The following TNFRSF8 variants were observed in gnomAD, a reference collection of about 807,000 sequenced individuals.
The protein encoded by TNFRSF8 is TNF receptor superfamily member 8, also known as tumor necrosis factor receptor superfamily member 8.
TNFRSF8 carries 26 observed loss-of-function variants against 70.8 expected under a neutral mutation model. The ratio of observed to expected loss-of-function variants is 0.37; its 90% CI spans 0.27 to 0.51. The LOEUF is 0.51. Among genes scored for constraint, TNFRSF8 ranks in the 20% least tolerant of loss-of-function variants. The pLI, the probability that TNFRSF8 is intolerant of heterozygous loss-of-function variation, is 0.94. For missense variants in TNFRSF8, 720 were observed against 807.9 expected (o/e 0.89, Z 1.32); for synonymous variants, 356 against 339.2 (o/e 1.05, Z -0.54).
At chr1:12,067,905 G>GA (rs1490161904) in intron 1 of TNFRSF8, among the ~76,000 whole-genome samples, 1 of 135,276 alleles carries the variant, frequency 7.4e-6, no homozygotes, top group Admixed American at 7.4e-5. Context: ...CGGGGGGGCG[G>GA]GGGGGGGACC....
intron 1 of TNFRSF8, among the ~76,000 whole-genome samples, chr1:12,065,676 G>T (rs1354596765): frequency 2.0e-5 from 3 of 152,086 alleles, no homozygotes; most frequent in Non-Finnish European, 2.9e-5. Context: ...ATGTCTATGA[G>T]GCATCTTGGT....
chr1:12,141,822 G>T lies in TNFRSF8; in HGVS notation c.1544-465G>T, dbSNP rs1007301970. On this transcript the variant is annotated intron_variant, in intron 14 of 14. Transcript: ENST00000263932. The surrounding 1 kb of genome is among the most constrained non-coding windows in gnomAD (Gnocchi z 5.4). ...TCTCCTAACTACGTGGCGACCTTGG[G>T]CAGGTCATTTAACCTCTCCAGGCTT... Among the ~76,000 whole-genome samples the T allele has an allele frequency of 6.6e-6, 1 of 152,190 alleles. No homozygotes were observed. Among genetic ancestry groups the T allele is most frequent in the African/African-American group, 2.4e-5 (1 of 41,456 alleles).
rs566602205 is a variant in TNFRSF8 at position 12,113,167 on chromosome 1, G to T, written c.793+1153G>T. ...GAGGTCTTAGCTGGAAAGCCCAAAA[G>T]CTGCAGATCAGGAACTTCTGAAGCT... is the stretch of plus-strand genomic sequence containing the variant. On this transcript the variant is annotated intron_variant, in intron 7 of 14. Coordinates refer to ENST00000263932, the MANE Select transcript of TNFRSF8 (RefSeq NM_001243.5). The surrounding 1 kb of genome is among the most constrained non-coding windows in gnomAD (Gnocchi z 4.9). Among the ~76,000 whole-genome samples the T allele has an allele frequency of 6.6e-6, 1 of 152,340 alleles. No individual in the cohort carries two copies. Among genetic ancestry groups the T allele is most frequent in the South Asian group, 2.1e-4 (1 of 4,830 alleles).
chr1:12,129,238 C>T (rs1642001817), intron 12 of TNFRSF8, among the ~76,000 whole-genome samples: 2 of 152,246 alleles, frequency 1.3e-5, no homozygotes, highest in Admixed American at 6.5e-5. Context: ...GAAACAGTTT[C>T]AAACTTATAG....
Position 12,142,725 on chromosome 1 carries a change from C to T in TNFRSF8, c.*194C>T, listed in dbSNP as rs1642279526. 2.9e-6 allele frequency: 2 copies of T among 699,610 alleles called. No homozygotes were observed. Among genetic ancestry groups the T allele is most frequent in the African/African-American group, 3.6e-5 (2 of 55,854 alleles). The allele number at this position is 699,610 out of a possible 1,614,324, so 43.3% of individuals were successfully genotyped here. ...CATCCCCAACTTAGCTGTCCCCTGA[C>T]CCAGAGCCTAGGGGATCCGGGGCTT... is the stretch of plus-strand genomic sequence containing the variant. On this transcript the variant is annotated 3_prime_UTR_variant, in exon 15 of 15. Transcript: ENST00000263932. The surrounding 1 kb of genome is among the most constrained non-coding windows in gnomAD (Gnocchi z 5.0).
chr1:12,133,643 G>A (rs1001935787), intron 12 of TNFRSF8, among the ~76,000 whole-genome samples: 1 of 151,260 alleles, frequency 6.6e-6, no homozygotes, highest in Non-Finnish European at 1.5e-5. Context: ...GGGAGGCTGA[G>A]GCAGGAGAAT....
In TNFRSF8 at chr1:12,142,987, T is replaced by G; in HGVS notation, c.*456T>G. 6.4e-6 allele frequency: 1 copy of G among 157,036 alleles called. No homozygotes were observed. The highest frequency in any genetic ancestry group is 1.4e-5 in the Non-Finnish European group (1 of 71,178). 9.7% of individuals were successfully genotyped at this position (157,036 alleles called of 1,614,324 possible). A position where few individuals can be genotyped will look rare whatever the true frequency, so the allele number is the denominator to read the frequency against. On this transcript the variant is annotated 3_prime_UTR_variant, in exon 15 of 15. Coordinates refer to ENST00000263932, the MANE Select transcript of TNFRSF8 (RefSeq NM_001243.5). This position sits in a 1 kb window ranked among gnomAD's most constrained non-coding sequence, Gnocchi z 5.0. ...CTCAGAGGTGACACCCATTGGGCCC[T>G]TCCGGCATGCCCCCAGTTACTGTAA...
Position 12,111,960 on chromosome 1 carries a change from G to T in TNFRSF8, c.739G>T (p.Asp247Tyr), listed in dbSNP as rs548914161. 3 of 1,614,198 alleles carry T rather than the reference G, an allele frequency of 1.9e-6. No individual in the cohort carries two copies. The highest frequency in any genetic ancestry group is 2.5e-6 in the Non-Finnish European group (3 of 1,180,024). ...SGDCRKQCEP[D>Y]YYLDEAGRCT... ...TGATTGCAGAAAGCAGTGTGAGCCC[G>T]ACTACTACCTGGACGAGGCCGGCCG... The change falls in exon 7 of 15, where the codon GAC becomes TAC. Residue 247 changes from aspartate to tyrosine, a missense_variant. Transcript: ENST00000263932.
intron 1 of TNFRSF8, chr1:12,080,450 A>G (rs780600780): frequency 9.7e-5 from 51 of 525,614 alleles, no homozygotes; most frequent in Non-Finnish European, 1.8e-4. Flanking sequence ...GTTGTCTTCT[A>G]TCTTCTTCAT....
In TNFRSF8 at chr1:12,088,063, TG is replaced by T. The variant is rs1250206392; in HGVS notation, c.151+3513del. On this transcript the variant is annotated intron_variant, in intron 2 of 14. Coordinates refer to ENST00000263932, the MANE Select transcript of TNFRSF8 (RefSeq NM_001243.5). This position sits in a 1 kb window ranked among gnomAD's most constrained non-coding sequence, Gnocchi z 4.0. ...CTGCCCTGTGCAGCCAGCACTCAGC[TG>T]TGTGGCCGGGTTTGCTTGTGGGCGG... Among the ~76,000 whole-genome samples, 1 of 152,154 alleles carries T rather than the reference TG, an allele frequency of 6.6e-6. No homozygotes were observed. Among genetic ancestry groups the T allele is most frequent in the African/African-American group, 2.4e-5 (1 of 41,448 alleles).
At chr1:12,128,012 G>A (rs1427336066) in intron 12 of TNFRSF8, among the ~76,000 whole-genome samples, 1 of 152,222 alleles carries the variant, frequency 6.6e-6, no homozygotes, top group Admixed American at 6.5e-5. Flanking sequence ...GACAGAAAGT[G>A]AAGCCAAGAC....
At chr1:12,081,198 C>T (rs909480107) in intron 1 of TNFRSF8, among the ~76,000 whole-genome samples, 3 of 152,194 alleles carry the variant, frequency 2.0e-5, no homozygotes, top group Non-Finnish European at 4.4e-5. Context: ...CAGCCAGAGC[C>T]CCCCAGGTGT....
At chr1:12,083,318 G>A (rs11569814) in intron 1 of TNFRSF8, among the ~76,000 whole-genome samples, 2,419 of 152,266 alleles carry the variant, frequency 0.016, 60 homozygotes, top group African/African-American at 0.054. Context: ...CAACAAAAGC[G>A]TGTACGTTTG....
At chr1:12,090,539 C>T (rs1641232225) in intron 2 of TNFRSF8, among the ~76,000 whole-genome samples, 1 of 149,620 alleles carries the variant, frequency 6.7e-6, no homozygotes, top group Non-Finnish European at 1.5e-5. Context: ...CATCCACCTA[C>T]TCGTTTATCC....
chr1:12,129,176 T>A (rs1201126), intron 12 of TNFRSF8, among the ~76,000 whole-genome samples: 107,180 of 152,008 alleles, frequency 0.71, 38,097 homozygotes, highest in Admixed American at 0.79. Context: ...ACTTGAGTCA[T>A]TTTCTATTAT....
rs888419129 is a variant in TNFRSF8 at position 12,110,770 on chromosome 1, G to C, written c.676+566G>C. 6.6e-6 allele frequency among the ~76,000 whole-genome samples: 1 copy of C among 151,894 alleles called. No individual in the cohort carries two copies. The highest frequency in any genetic ancestry group is 1.5e-5 in the Non-Finnish European group (1 of 67,978). ...CCCACCACCACGCCTGGCTAACTTT[G>C]TATTTTTAGTAGAGATGGGATTTCA... On this transcript the variant is annotated intron_variant, in intron 6 of 14. Transcript: ENST00000263932. This position sits in a 1 kb window ranked among gnomAD's most constrained non-coding sequence, Gnocchi z 4.0.
intron 6 of TNFRSF8, among the ~76,000 whole-genome samples, chr1:12,111,311 A>C (rs1350057779): frequency 6.6e-6 from 1 of 151,734 alleles, no homozygotes; most frequent in Non-Finnish European, 1.5e-5. Flanking sequence ...CCTCCCGAGT[A>C]GCTGGGATTA....
intron 13 of TNFRSF8, among the ~76,000 whole-genome samples, chr1:12,136,153 T>C (rs1642141244): frequency 2.0e-5 from 3 of 152,164 alleles, no homozygotes; most frequent in African/African-American, 7.2e-5. Context: ...GTTTCTATCC[T>C]TTCATTTTTC....
chr1:12,103,659 A>T (rs1641464795), intron 3 of TNFRSF8, among the ~76,000 whole-genome samples: 1 of 151,740 alleles, frequency 6.6e-6, no homozygotes, highest in Admixed American at 6.6e-5. Flanking sequence ...TTTTTTGTAG[A>T]GACGGGATTT....
Sources: gnomAD v4.1 joint callset for allele counts (sites outside exome capture counted in the v4.1 genomes callset) on GRCh38, gnomAD v4.1.1 for gene constraint, Gnocchi (gnomAD v3.1) non-coding constraint, MANE v1.5 for transcripts, NCBI Gene and HGNC (gene_info 2026-07-23, HGNC 2026-07-21) for gene names.